SLC1A6: variants seen among roughly 807,000 people sequenced by gnomAD.
The protein encoded by SLC1A6 is solute carrier family 1 member 6.
Under a neutral mutation model 42.1 loss-of-function variants are expected in SLC1A6, and 15 were observed. The ratio of observed to expected loss-of-function variants is 0.36; its 90% confidence interval spans 0.24 to 0.55. The LOEUF is 0.55. SLC1A6 is among the 20% of genes least tolerant of loss of function. The probability of loss-of-function intolerance (pLI) is 0.88; values close to 1 mark genes in which losing one functional copy is unlikely to be tolerated. For missense variants in SLC1A6, 542 were observed against 772.5 expected, an observed-to-expected ratio of 0.70 and a Z score of 3.54; for synonymous variants, 317 against 319.7, an observed-to-expected ratio of 0.99 and a Z score of 0.09.
At chr19:15,005,286 C>T (rs1169047970) in intron 1 of SLC1A6, among the ~76,000 whole-genome samples, 1 of 148,998 alleles carries the variant, frequency 6.7e-6, no homozygotes, top group Non-Finnish European at 1.5e-5. Flanking sequence ...AAGCAGGGCA[C>T]GGTGGCGGTC....
chr19:14,967,700 T>C (rs371948378), intron 4 of SLC1A6, among the ~76,000 whole-genome samples: 5 of 152,324 alleles, frequency 3.3e-5, no homozygotes, highest in East Asian at 1.9e-4. Context: ...CAAAAGGTTC[T>C]TCTTTTTCTC....
At chr19:14,957,404 TG>T (rs1199172794) in intron 6 of SLC1A6, among the ~76,000 whole-genome samples, 1 of 152,180 alleles carries the variant, frequency 6.6e-6, no homozygotes, top group East Asian at 1.9e-4. Flanking sequence ...GGGATAGTAT[TG>T]GGAGGTGATT....
intron 1 of SLC1A6, among the ~76,000 whole-genome samples, chr19:14,995,342 AAAG>A (rs558312660): frequency 0.23 from 17,060 of 72,704 alleles, 1,849 homozygotes; most frequent in Non-Finnish European, 0.29. Flanking sequence ...AAAAAAAAAA[AAAG>A]AAAGAAAGAA....
In SLC1A6 at chr19:14,954,384, T is replaced by TG. The variant is rs2045442041; in HGVS notation, c.1170-56dup. 4 of 1,530,242 alleles carry TG rather than the reference T, an allele frequency of 2.6e-6. No individual in the cohort carries two copies. In the Admixed American group the frequency reaches 6.7e-5, roughly 26 times the overall value. 94.8% of individuals were successfully genotyped at this position (1,530,242 alleles called of 1,614,324 possible). ...GGGCGTGGCCTGGTGGGGGCGGGGC[T>TG]GGGAACAGGGTGTGGCCTAGTGGGG... On this transcript the variant is annotated intron_variant, in intron 7 of 9. Transcript: ENST00000594383.
At chr19:14,986,233 A>G (rs1350299056) in intron 1 of SLC1A6, among the ~76,000 whole-genome samples, 2 of 152,110 alleles carry the variant, frequency 1.3e-5, no homozygotes, top group African/African-American at 4.8e-5. Context: ...ATTTAATAAA[A>G]TGGGCCAGAC....
intron 7 of SLC1A6, among the ~76,000 whole-genome samples, chr19:14,955,566 T>C (rs1483104441): frequency 2.7e-5 from 4 of 149,082 alleles, no homozygotes; most frequent in Middle Eastern, 3.5e-3. Flanking sequence ...TTGCAGTGAG[T>C]GGAGATCACA....
At chr19:14,998,604 T>G (rs1451690481) in intron 1 of SLC1A6, among the ~76,000 whole-genome samples, 3 of 152,128 alleles carry the variant, frequency 2.0e-5, no homozygotes, top group Admixed American at 6.6e-5. Flanking sequence ...TTAAGACTTT[T>G]TGTAGCAATA....
At chr19:14,956,428 C>G (rs1555704950) in intron 7 of SLC1A6, 48 bp downstream of exon 7, 1 of 1,299,540 alleles carries the variant, frequency 7.7e-7, no homozygotes, top group Non-Finnish European at 1.1e-6. Context: ...ACATGAAGGA[C>G]AAGAAGTGCA....
At chr19:14,992,657 CA>C (rs35913323) in intron 1 of SLC1A6, among the ~76,000 whole-genome samples, 5,676 of 137,336 alleles carry the variant, frequency 0.041, 206 homozygotes, top group African/African-American at 0.11. Flanking sequence ...GACTCTGTCT[CA>C]AAAAAAAAAA....
chr19:14,980,968 G>A (rs1193532609), upstream of SLC1A6, among the ~76,000 whole-genome samples: 1 of 152,008 alleles, frequency 6.6e-6, no homozygotes, highest in African/African-American at 2.4e-5. Flanking sequence ...AAACTTAGCT[G>A]TATTTTAAAA....
chr19:14,992,911 C>T (rs2145233635), intron 1 of SLC1A6, among the ~76,000 whole-genome samples: 1 of 152,216 alleles, frequency 6.6e-6, no homozygotes. Flanking sequence ...GGAAACGCTC[C>T]CTATTAATTA....
At position 14,953,066 on chromosome 19, in the gene SLC1A6, C is replaced by T. The variant is rs1366014706; in HGVS notation, c.1365-4G>A. 1 of 1,611,876 alleles carries T rather than the reference C, an allele frequency of 6.2e-7. No individual in the cohort carries two copies. The highest frequency in any genetic ancestry group is 2.2e-5 in the East Asian group (1 of 44,832). ...ACTGGCTGCTGTGGCCGTGATGCTGCAGGGGGAGGGAGAACATGGGGAGCA... is the reference window on the plus strand; with the variant it reads ...ACTGGCTGCTGTGGCCGTGATGCTGTAGGGGGAGGGAGAACATGGGGAGCA... On this transcript the variant is annotated splice_polypyrimidine_tract_variant and splice_region_variant and intron_variant, in intron 8 of 9. Coordinates refer to ENST00000594383, the MANE Select transcript of SLC1A6 (RefSeq NM_005071.3).
chr19:14,997,041 C>T (rs551183887), intron 1 of SLC1A6, among the ~76,000 whole-genome samples: 2 of 152,116 alleles, frequency 1.3e-5, no homozygotes, highest in African/African-American at 2.4e-5. Flanking sequence ...AACATGCCTC[C>T]GATTCTATTC....
chr19:14,953,665 G>C (rs1292111374), intron 8 of SLC1A6, among the ~76,000 whole-genome samples: 1 of 152,128 alleles, frequency 6.6e-6, no homozygotes, highest in African/African-American at 2.4e-5. Context: ...AGCAAGACCC[G>C]ATATGCCATT....
chr19:14,979,968 G>C (rs113337057), upstream of SLC1A6: 27,188 of 152,192 alleles, frequency 0.18, 2,783 homozygotes, highest in South Asian at 0.27. The surrounding 1 kb of genome is among the most constrained non-coding windows in gnomAD (Gnocchi z 4.2). Context: ...CGGAGCCCTC[G>C]GAGGCCCCAG....
rs148385158 is a variant in SLC1A6 at position 14,992,800 on chromosome 19, C to G, written c.6+17685G>C. On this transcript the variant is annotated intron_variant, in intron 1 of 8. Transcript: ENST00000430939. ...GCAGGGCAGTGCAGACGGAGCACCC[C>G]GGGCTGTCCCAGACGACTGCCCCAG... is the stretch of plus-strand genomic sequence containing the variant. Among the ~76,000 whole-genome samples the G allele has an allele frequency of 5.2e-3, 799 of 152,240 alleles. 1 individual carries two copies. The highest frequency in any genetic ancestry group is 0.018 in the African/African-American group (765 of 41,552).
At chr19:14,961,864 A>G in intron 6 of SLC1A6, 138 bp downstream of exon 6, 1 of 1,239,170 alleles carries the variant, frequency 8.1e-7, no homozygotes, top group Non-Finnish European at 1.1e-6. Context: ...TGAATGAATG[A>G]GTTGGTGAGT....
chr19:14,958,483 C>T (rs1020485874), intron 6 of SLC1A6, among the ~76,000 whole-genome samples: 1 of 151,982 alleles, frequency 6.6e-6, no homozygotes, highest in Admixed American at 6.6e-5. Flanking sequence ...GTGGGGACCT[C>T]TTGGGAAGGT....
At position 14,972,784 on chromosome 19, in the gene SLC1A6, T is replaced by G. The variant is rs368973173; in HGVS notation, c.127A>C (p.Thr43Pro). 10 of 1,613,674 alleles carry G rather than the reference T, an allele frequency of 6.2e-6. No homozygotes were observed. Among genetic ancestry groups the G allele is most frequent in the Admixed American group, 3.3e-5 (2 of 59,978 alleles). ...RALRTRLRLQ[T>P]MTLEHVLRFL... ...CGCAGCACGTGCTCGAGGGTCATGG[T>G]CTGCAGGCGCAGGCGCGTGCGCAGT... Residue 43 changes from threonine (T) to proline (P), a missense_variant, in exon 2 of 10, where the codon ACC becomes CCC. By Grantham distance (38) the Thr-to-Pro change is conservative (BLOSUM62 -1). Coordinates refer to ENST00000594383, the MANE Select transcript of SLC1A6 (RefSeq NM_005071.3).
Sources: allele counts gnomAD v4.1 joint callset (sites outside exome capture counted in the v4.1 genomes callset), GRCh38; gene constraint gnomAD v4.1.1; non-coding constraint Gnocchi (gnomAD v3.1); transcripts MANE v1.5; gene names NCBI Gene and HGNC (gene_info 2026-07-23, HGNC 2026-07-21).